Variants in PTPN14 observed in about 807,000 individuals in gnomAD.
PTPN14 encodes protein tyrosine phosphatase non-receptor type 14.
A neutral mutation model predicts 126.8 loss-of-function variants in PTPN14; 53 were observed. The ratio of observed to expected loss-of-function variants is 0.42; its 90% CI spans 0.34 to 0.53. The LOEUF (loss-of-function observed/expected upper bound fraction) is 0.53. PTPN14 is among the 20% of genes least tolerant of loss of function. The pLI, the probability that PTPN14 is intolerant of heterozygous loss-of-function variation, is 0.08. For synonymous variants in PTPN14, 630 were observed against 599.3 expected (o/e 1.05, Z -0.75); for missense variants, 1,257 against 1,552.9 (o/e 0.81, Z 3.20).
intron 3 of PTPN14, among the ~76,000 whole-genome samples, chr1:214,417,632 A>T (rs1659454935): frequency 6.6e-6 from 1 of 152,158 alleles, no homozygotes; most frequent in Non-Finnish European, 1.5e-5. Context: ...TCTCTTTTAA[A>T]TTCATGTATG....
chr1:214,533,557 T>C (rs890295446), intron 1 of PTPN14: 6 of 289,064 alleles, frequency 2.1e-5, no homozygotes, highest in East Asian at 9.8e-5. Flanking sequence ...AAAGGCTGGG[T>C]GCGGTGGCTC....
At chr1:214,477,872 T>G (rs896774355) in intron 1 of PTPN14, among the ~76,000 whole-genome samples, 3 of 152,208 alleles carry the variant, frequency 2.0e-5, no homozygotes, top group African/African-American at 7.2e-5. Context: ...TAAACCTAAT[T>G]CAAGAGACTC....
At position 214,394,953 on chromosome 1, in the gene PTPN14, C is replaced by T. The variant is rs1185705954; in HGVS notation, c.792G>A (p.Lys264=). 6 of 1,613,552 alleles carry T rather than the reference C, an allele frequency of 3.7e-6. No homozygotes were observed. The highest frequency in any genetic ancestry group is 1.3e-5 in the African/African-American group (1 of 74,904). The change falls in exon 9 of 19, where the codon AAG becomes AAA. Residue 264 remains lysine (K), a synonymous_variant. Transcript: ENST00000366956. ...WNDMGNITHN[K]STILVELINK... ...TGATGAGCTCCACTAGAATGGTCGA[C>T]TTGTTATGAGTGATATTCCCCATGT...
rs371183848 is a variant in PTPN14, at chr1:214,457,373, G to A, written c.175-5399C>T. Among the ~76,000 whole-genome samples, 69 of 152,292 alleles carry A rather than the reference G, an allele frequency of 4.5e-4. No individual in the cohort carries two copies. In the East Asian group the frequency reaches 0.01, roughly 23 times the overall value. ...ACCAAGGCTCTTAGGCTTAGCCTTA[G>A]GAGAGAGCCGAGAGTTATGAAAGTC... On this transcript the variant is annotated intron_variant, in intron 2 of 18. Transcript: ENST00000366956.
At chr1:214,370,938 T>G (rs749139600) in intron 16 of PTPN14, among the ~76,000 whole-genome samples, 29 of 152,226 alleles carry the variant, frequency 1.9e-4, no homozygotes, top group Non-Finnish European at 3.2e-4. Flanking sequence ...GCGGAATATG[T>G]AAATTACCTT....
Position 214,491,461 on chromosome 1 carries a change from G to C in PTPN14, c.-154-26504C>G, listed in dbSNP as rs374662907. Among the ~76,000 whole-genome samples, 33 of 152,228 alleles carry C rather than the reference G, an allele frequency of 2.2e-4. 1 individual carries two copies. The South Asian group carries it at 6.0e-3, about 28-fold the overall frequency. ...AATGGGAGTGGGGAGCGATGGTTTT[G>C]GAATAAAACCGTTGGACCTCAGATC... On this transcript the variant is annotated intron_variant, in intron 1 of 18. Transcript: ENST00000366956.
chr1:214,462,352 T>A (rs1410291147), intron 2 of PTPN14, among the ~76,000 whole-genome samples: 3 of 152,158 alleles, frequency 2.0e-5, no homozygotes, highest in Non-Finnish European at 4.4e-5. Context: ...ATTATTACCA[T>A]ACACATCTCC....
At chr1:214,363,938 G>A (rs897330934) in intron 18 of PTPN14, among the ~76,000 whole-genome samples, 1 of 152,188 alleles carries the variant, frequency 6.6e-6, no homozygotes, top group Non-Finnish European at 1.5e-5. Context: ...CACTTCTGCA[G>A]GGAGAAGGGG....
intron 1 of PTPN14, chr1:214,532,330 G>T: frequency 1.9e-6 from 1 of 537,214 alleles, no homozygotes; most frequent in South Asian, 1.8e-5. Flanking sequence ...TCCGTGTCCT[G>T]CTACACCAGC....
intron 13 of PTPN14, among the ~76,000 whole-genome samples, chr1:214,382,123 G>C (rs1658486104): frequency 6.6e-6 from 1 of 152,162 alleles, no homozygotes; most frequent in African/African-American, 2.4e-5. Context: ...GGCTGGTCTT[G>C]AACTCCTGAC....
intron 1 of PTPN14, among the ~76,000 whole-genome samples, chr1:214,538,112 T>C (rs1474415603): frequency 6.6e-6 from 1 of 152,202 alleles, no homozygotes; most frequent in Non-Finnish European, 1.5e-5. Flanking sequence ...TTGCTGATTC[T>C]TTTCAAGATT....
rs1478550030 is a variant in PTPN14, at chr1:214,369,502, C to T, written c.3226G>A (p.Asp1076Asn). The T allele has an allele frequency of 2.5e-6, 4 of 1,614,152 alleles. No homozygotes were observed. Among genetic ancestry groups the T allele is most frequent in the South Asian group, 2.2e-5 (2 of 91,066 alleles). ...TCTGGACAGCCGTGATCTGGCCAGTCAGTATATTGTAAATGCCACACCGTC... is the reference window on the plus strand; with the variant it reads ...TCTGGACAGCCGTGATCTGGCCAGTTAGTATATTGTAAATGCCACACCGTC... ...ERTVWHLQYT[D>N]WPDHGCPEDV... is the part of the protein sequence containing the mutation. Residue 1076 changes from aspartate (D) to asparagine (N), a missense_variant, in exon 17 of 19, where the codon GAC becomes AAC. Physicochemically the swap from Asp to Asn is conservative, Grantham distance 23. Transcript: ENST00000366956.
intron 1 of PTPN14, among the ~76,000 whole-genome samples, chr1:214,520,541 G>A (rs1245311250): frequency 2.6e-5 from 4 of 152,146 alleles, no homozygotes; most frequent in Non-Finnish European, 5.9e-5. Flanking sequence ...AAAATGTCAA[G>A]TAGTTCAGCA....
chr1:214,490,813 G>A (rs888999179), intron 1 of PTPN14, among the ~76,000 whole-genome samples: 3 of 137,352 alleles, frequency 2.2e-5, no homozygotes, highest in Non-Finnish European at 4.6e-5. Flanking sequence ...CTCCAGCCTG[G>A]GTGACAGAGC....
chr1:214,517,011 T>A (rs998246917), intron 1 of PTPN14, among the ~76,000 whole-genome samples: 2 of 152,124 alleles, frequency 1.3e-5, no homozygotes, highest in African/African-American at 4.8e-5. Context: ...AGAAATTCTT[T>A]CTCATCTTCC....
intron 1 of PTPN14, chr1:214,529,005 TA>T (rs1022143720): frequency 2.6e-5 from 4 of 151,964 alleles, no homozygotes; most frequent in Non-Finnish European, 5.9e-5. Flanking sequence ...ACAGCCTATG[TA>T]AGTCAAGAAG....
At position 214,384,911 on chromosome 1, in the gene PTPN14, T is replaced by TC; in HGVS notation, c.1067-124dup. 1 of 1,123,774 alleles carries TC rather than the reference T, an allele frequency of 8.9e-7. No individual in the cohort carries two copies. Among genetic ancestry groups the TC allele is most frequent in the Non-Finnish European group, 1.3e-6 (1 of 795,596 alleles). The allele number at this position is 1,123,774 out of a possible 1,614,324, so 69.6% of individuals were successfully genotyped here. On this transcript the variant is annotated intron_variant, in intron 12 of 18. Transcript: ENST00000366956. This position sits in a 1 kb window ranked among gnomAD's most constrained non-coding sequence, Gnocchi z 5.3. ...TCATAAAAAGTGAAATCCCATGGTC[T>TC]CCACCCACATGTTCTATAGAATAAC... is the stretch of plus-strand genomic sequence containing the variant.
intron 17 of PTPN14, 42 bp downstream of exon 17, chr1:214,369,415 T>C (rs1197951427): frequency 1.3e-6 from 2 of 1,565,334 alleles, no homozygotes; most frequent in Non-Finnish European, 1.8e-6. Flanking sequence ...ACACAGATCA[T>C]AAAAGTCAGT....
At chr1:214,530,153 G>A (rs1208234080) in intron 1 of PTPN14, 3 of 151,996 alleles carry the variant, frequency 2.0e-5, no homozygotes, top group Non-Finnish European at 2.9e-5. Flanking sequence ...TTCACTAGTA[G>A]GCCAACATTC....
Sources: allele counts gnomAD v4.1 joint callset (sites outside exome capture counted in the v4.1 genomes callset), GRCh38; gene constraint gnomAD v4.1.1; non-coding constraint Gnocchi (gnomAD v3.1); transcripts MANE v1.5; gene names NCBI Gene and HGNC (gene_info 2026-07-23, HGNC 2026-07-21).